The following NAV1 variants were observed in gnomAD, a reference collection of about 807,000 sequenced individuals.
NAV1 encodes pore membrane and/or filament interacting like protein 3.
NAV1 carries 18 observed loss-of-function variants against 175.2 expected under a neutral mutation model. That is an observed-to-expected ratio of 0.10 (90% CI 0.07 to 0.15). The LOEUF (loss-of-function observed/expected upper bound fraction) is 0.15. Ranked by LOEUF, NAV1 falls within the 10% of genes least tolerant of loss-of-function variation. NAV1 has a pLI of 1.00. For synonymous variants in NAV1, 897 were observed against 978.7 expected, an observed-to-expected ratio of 0.92 and a Z score of 1.56; for missense variants, 1,731 against 2,436.6, an observed-to-expected ratio of 0.71 and a Z score of 6.10.
rs560898290 is a variant in NAV1, at chr1:201,611,286, C to A, written c.-32-11567C>A. ...GAAGCCTGAAGCCAGGGTCTACAGG[C>A]AAGAGCTTGGGGAAGGAGGATGGGC... On this transcript the variant is annotated intron_variant, in intron 2 of 33. Coordinates refer to the NAV1 transcript ENST00000685211. 7.9e-5 allele frequency among the ~76,000 whole-genome samples: 12 copies of A among 152,326 alleles called. No individual in the cohort carries two copies. In the East Asian group the frequency reaches 2.3e-3, roughly 29 times the overall value.
intron 14 of NAV1, chr1:201,794,166 T>C (rs1345492633): frequency 1.5e-6 from 1 of 654,350 alleles, no homozygotes; most frequent in Admixed American, 2.1e-5. Context: ...GTTTTCTTTT[T>C]TTGAGATGGA....
exon 11 of NAV1, chr1:201,789,773 C>T: frequency 6.2e-7 from 1 of 1,614,064 alleles, no homozygotes; most frequent in Non-Finnish European, 8.5e-7. Context: ...GCCTCCAGTG[C>T]CTCCTCCACC....
At chr1:201,609,641 G>A (rs997976721) in intron 2 of NAV1, among the ~76,000 whole-genome samples, 1 of 152,232 alleles carries the variant, frequency 6.6e-6, no homozygotes, top group African/African-American at 2.4e-5. Flanking sequence ...GGAGCTGACA[G>A]GTCTGGTGGG....
chr1:201,579,429 C>T (rs1666783517), intron 1 of NAV1, among the ~76,000 whole-genome samples: 1 of 152,140 alleles, frequency 6.6e-6, no homozygotes, highest in African/African-American at 2.4e-5. Flanking sequence ...AATCATGGCT[C>T]ACTGCAACCT....
At chr1:201,662,890 C>T (rs1250250463) in intron 1 of NAV1, among the ~76,000 whole-genome samples, 1 of 87,566 alleles carries the variant, frequency 1.1e-5, no homozygotes, top group African/African-American at 4.2e-5. Flanking sequence ...ATTTACAAGC[C>T]CCCTGGAGCC....
intron 3 of NAV1, among the ~76,000 whole-genome samples, chr1:201,762,416 G>T (rs1558137013): frequency 6.6e-6 from 1 of 152,168 alleles, no homozygotes; most frequent in Non-Finnish European, 1.5e-5. Flanking sequence ...CCAGTCCACT[G>T]CCTGTTTTTG....
At chr1:201,764,082 A>G (rs1229922694) in intron 3 of NAV1, among the ~76,000 whole-genome samples, 1 of 152,234 alleles carries the variant, frequency 6.6e-6, no homozygotes, top group Non-Finnish European at 1.5e-5. Context: ...TAATTTTCCT[A>G]TAATAACCTA....
Position 201,790,543 on chromosome 1 carries a change from C to T in NAV1, c.3220-11C>T, listed in dbSNP as rs934999295. 3 of 1,614,016 alleles carry T rather than the reference C, an allele frequency of 1.9e-6. No homozygotes were observed. Among genetic ancestry groups the T allele is most frequent in the Non-Finnish European group, 2.5e-6 (3 of 1,179,944 alleles). ...CTCTCTCTTTCTCTCCTTCTGTGCT[C>T]CCTTCTTCAGGCTGAGGAGAGGATG... is the stretch of plus-strand genomic sequence containing the variant. On this transcript the variant is annotated splice_polypyrimidine_tract_variant and intron_variant, in intron 11 of 29. Transcript: ENST00000367296.
intron 1 of NAV1, among the ~76,000 whole-genome samples, chr1:201,566,136 C>T (rs74136644): frequency 9.2e-5 from 14 of 152,256 alleles, no homozygotes; most frequent in African/African-American, 2.9e-4. Context: ...AGTTTCCTCC[C>T]GACACATACA....
At chr1:201,724,237 T>A (rs1672509756) in intron 3 of NAV1, 1 of 152,234 alleles carries the variant, frequency 6.6e-6, no homozygotes, top group African/African-American at 2.4e-5. Context: ...TTTGTTTTTC[T>A]AAAAATAGGA....
rs753045662 is a variant in NAV1 at position 201,782,754 on chromosome 1, T to C, written c.2242T>C (p.Leu748=). The C allele has an allele frequency of 1.2e-6, 2 of 1,614,108 alleles. No homozygotes were observed. Among genetic ancestry groups the C allele is most frequent in the Admixed American group, 3.3e-5 (2 of 60,020 alleles). The change falls in exon 6 of 30, where the codon TTG becomes CTG. Residue 748 remains leucine (L), a synonymous_variant. Transcript: ENST00000367296. This position sits in a 1 kb window ranked among gnomAD's most constrained non-coding sequence, Gnocchi z 5.4. ...GAAGGCCAAAGCCAAGGCAGTGGCC[T>C]TGGACTCAGACAACATCTCCTTGAA...
chr1:201,677,250 C>CAA (rs3053786), intron 1 of NAV1, among the ~76,000 whole-genome samples: 47,701 of 110,246 alleles, frequency 0.43, 9,880 homozygotes, highest in Admixed American at 0.5. Context: ...GACTCCATCT[C>CAA]AAAAAAAAAA....
chr1:201,636,850 C>T (rs1668631246), intron 2 of NAV1, among the ~76,000 whole-genome samples: 2 of 152,290 alleles, frequency 1.3e-5, no homozygotes, highest in Middle Eastern at 3.4e-3. Flanking sequence ...CTCATGAGCT[C>T]ACAGCATCCT....
chr1:201,652,226 G>A (rs1669230445), intron 1 of NAV1, among the ~76,000 whole-genome samples: 1 of 148,648 alleles, frequency 6.7e-6, no homozygotes, highest in African/African-American at 2.5e-5. Flanking sequence ...GATCCAAGAG[G>A]CTGCCAAGAA....
At chr1:201,781,553 A>C (rs1239318014) in intron 5 of NAV1, among the ~76,000 whole-genome samples, 1 of 152,198 alleles carries the variant, frequency 6.6e-6, no homozygotes, top group Non-Finnish European at 1.5e-5. Context: ...AATCCCAGTT[A>C]ATATGAGGTA....
At chr1:201,802,778 CA>C (rs35700238) in intron 15 of NAV1, among the ~76,000 whole-genome samples, 98 of 139,658 alleles carry the variant, frequency 7.0e-4, no homozygotes, top group East Asian at 6.2e-4. Context: ...GACTCCATCT[CA>C]AAAAAAAAAA....
chr1:201,820,193 A>C (rs1027999384), exon 30 of NAV1: 2 of 378,202 alleles, frequency 5.3e-6, no homozygotes, highest in Non-Finnish European at 4.8e-6. Context: ...TTTGGGGAAA[A>C]GATGATTCTG....
Position 201,552,141 on chromosome 1 carries a change from G to T in NAV1, c.-144+12799G>T, listed in dbSNP as rs115420414. ...CACAGAGACTGTGACAAAGACAAAG[G>T]CCTCTGTGTTTGGGATGGCAGGGAG... is the stretch of plus-strand genomic sequence containing the variant. On this transcript the variant is annotated intron_variant, in intron 1 of 33. Transcript: ENST00000685211. Among the ~76,000 whole-genome samples the T allele has an allele frequency of 3.9e-5, 6 of 152,212 alleles. No homozygotes were observed. In the East Asian group the frequency reaches 5.8e-4, roughly 15 times the overall value.
chr1:201,657,892 G>A (rs1404064780), intron 1 of NAV1, among the ~76,000 whole-genome samples: 3 of 152,120 alleles, frequency 2.0e-5, no homozygotes, highest in Non-Finnish European at 4.4e-5. Context: ...AATTAGCCAG[G>A]AGTGGTGGCT....
Sources: allele counts gnomAD v4.1 joint callset (sites outside exome capture counted in the v4.1 genomes callset), GRCh38; gene constraint gnomAD v4.1.1; non-coding constraint Gnocchi (gnomAD v3.1); transcripts MANE v1.5; gene names NCBI Gene and HGNC (gene_info 2026-07-23, HGNC 2026-07-21).